SLIT3: variants seen among roughly 807,000 people sequenced by gnomAD.
The protein encoded by SLIT3 is slit homolog 3 protein.
Under a neutral mutation model 184.0 loss-of-function variants are expected in SLIT3, and 68 were observed. The observed-to-expected ratio is 0.37, with a 90% CI of 0.30 to 0.45. The LOEUF is 0.45. Ranked by LOEUF, SLIT3 falls within the 20% of genes least tolerant of loss-of-function variation. The pLI is 1.00. For synonymous variants in SLIT3, 831 were observed against 828.6 expected (o/e 1.00, Z -0.05); for missense variants, 1,707 against 2,026.0 (o/e 0.84, Z 3.02).
At chr5:168,998,757 G>A (rs534130068) in intron 4 of SLIT3, among the ~76,000 whole-genome samples, 1 of 144,150 alleles carries the variant, frequency 6.9e-6, no homozygotes, top group South Asian at 2.2e-4. Context: ...ATTGAACAGG[G>A]TGAAAAGATG....
At chr5:168,674,807 A>C (rs137898549) in intron 32 of SLIT3, among the ~76,000 whole-genome samples, 118 of 152,184 alleles carry the variant, frequency 7.8e-4, no homozygotes, top group Admixed American at 2.6e-3. Context: ...TGGGATATTC[A>C]GTGTGCACAT....
intron 14 of SLIT3, among the ~76,000 whole-genome samples, chr5:168,767,714 GT>G (rs1210575297): frequency 6.6e-6 from 1 of 152,198 alleles, no homozygotes; most frequent in Non-Finnish European, 1.5e-5. Flanking sequence ...AAAGGTGGTG[GT>G]GGGAGGGGTC....
intron 4 of SLIT3, among the ~76,000 whole-genome samples, chr5:169,074,074 G>A (rs1463489219): frequency 1.3e-5 from 2 of 152,180 alleles, no homozygotes; most frequent in East Asian, 1.9e-4. Context: ...AGAGACAGCA[G>A]CTGGTTGAAC....
chr5:169,207,370 T>TACATACATAC lies in SLIT3; in HGVS notation c.342-13821_342-13820insGTATGTATGT, dbSNP rs1262446357. 3.9e-3 allele frequency among the ~76,000 whole-genome samples: 520 copies of TACATACATAC among 131,912 alleles called. 5 individuals carry two copies. The highest frequency in any genetic ancestry group is 0.015 in the Admixed American group (204 of 13,210). 86.5% of individuals were successfully genotyped at this position (131,912 alleles called of 152,430 possible). ...TTTCTCTGTTTTACATACACATACA[T>TACATACATAC]ACACACACACACACACACACACACA... On this transcript the variant is annotated intron_variant, in intron 3 of 35. Transcript: ENST00000519560.
rs1764469859 is a variant in SLIT3 at position 169,217,264 on chromosome 5, A to G, written c.342-23714T>C. 1.3e-5 allele frequency among the ~76,000 whole-genome samples: 2 copies of G among 152,116 alleles called. 1 individual carries two copies. Among genetic ancestry groups the G allele is most frequent in the South Asian group, 4.1e-4 (2 of 4,826 alleles). ...GACAGCAAGCAGGGTGTAAACAAGG[A>G]ATTCTTTCTTTCTTCTTATTAAAAG... On this transcript the variant is annotated intron_variant, in intron 3 of 35. Transcript: ENST00000519560.
intron 4 of SLIT3, among the ~76,000 whole-genome samples, chr5:169,031,227 A>C (rs932001851): frequency 6.6e-5 from 10 of 152,152 alleles, no homozygotes; most frequent in African/African-American, 2.2e-4. Flanking sequence ...TTGTCCTCAG[A>C]GTAGGAAAGT....
intron 4 of SLIT3, among the ~76,000 whole-genome samples, chr5:169,013,628 G>A (rs72826547): frequency 0.014 from 2,109 of 152,182 alleles, 19 homozygotes; most frequent in East Asian, 0.027. Context: ...TGCCTCTTAC[G>A]CCCGTTCTGA....
intron 4 of SLIT3, among the ~76,000 whole-genome samples, chr5:169,180,011 C>G (rs1763106795): frequency 6.6e-6 from 1 of 152,010 alleles, no homozygotes; most frequent in African/African-American, 2.4e-5. Flanking sequence ...AATAAATGAG[C>G]AAAAAGAATT....
intron 5 of SLIT3, among the ~76,000 whole-genome samples, chr5:168,848,827 TC>T (rs1294824644): frequency 2.0e-5 from 3 of 152,196 alleles, no homozygotes; most frequent in Non-Finnish European, 4.4e-5. Context: ...TTGAAAGAAT[TC>T]CCATTAGTAA....
intron 1 of SLIT3, among the ~76,000 whole-genome samples, chr5:169,288,475 T>C (rs1767233155): frequency 6.6e-6 from 1 of 152,206 alleles, no homozygotes. Flanking sequence ...GGTTTGGTGC[T>C]ACATCCTTCA....
At chr5:169,279,788 A>C (rs530795635) in intron 1 of SLIT3, among the ~76,000 whole-genome samples, 2 of 152,350 alleles carry the variant, frequency 1.3e-5, no homozygotes, top group African/African-American at 4.8e-5. Flanking sequence ...ATGAGCTTCC[A>C]GACATGAAGT....
At chr5:168,743,129 G>T (rs996491223) in intron 20 of SLIT3, among the ~76,000 whole-genome samples, 1 of 152,202 alleles carries the variant, frequency 6.6e-6, no homozygotes, top group East Asian at 1.9e-4. Context: ...ATTATTAGAA[G>T]GGCAGATCAA....
chr5:169,031,494 C>T (rs115613797), intron 4 of SLIT3, among the ~76,000 whole-genome samples: 240 of 152,294 alleles, frequency 1.6e-3, no homozygotes, highest in Middle Eastern at 3.4e-3. Context: ...AGTGGGGTCT[C>T]ACCCAAACAG....
At chr5:168,819,441 C>A (rs1373463745) in intron 7 of SLIT3, among the ~76,000 whole-genome samples, 1 of 152,196 alleles carries the variant, frequency 6.6e-6, no homozygotes, top group Admixed American at 6.6e-5. Context: ...GGCTGAGGTG[C>A]CGTTCTTTTG....
chr5:168,748,289 T>C lies in SLIT3; in HGVS notation c.2270+13A>G. The C allele has an allele frequency of 6.9e-7, 1 of 1,458,610 alleles. No homozygotes were observed. The highest frequency in any genetic ancestry group is 9.0e-7 in the Non-Finnish European group (1 of 1,106,934). The allele number at this position is 1,458,610 out of a possible 1,614,324, so 90.4% of individuals were successfully genotyped here. On this transcript the variant is annotated intron_variant, in intron 20 of 35. Transcript: ENST00000519560. ...AGATGACAGGGTGCTTGGAGGCAGC[T>C]GGGGGTACTTACAGCTCGGTCACAT...
chr5:169,040,683 C>A (rs1750114824), intron 4 of SLIT3, among the ~76,000 whole-genome samples: 1 of 152,202 alleles, frequency 6.6e-6, no homozygotes, highest in South Asian at 2.1e-4. Flanking sequence ...AACTGTCTTA[C>A]CGATGTAGTA....
chr5:168,781,253 A>C lies in SLIT3; in HGVS notation c.1151+4654T>G, dbSNP rs1755960785. ...GAAAGCTGAGATTCCTAGAGACCAG[A>C]GAGGGAGAACTATTATTTGGTTACC... On this transcript the variant is annotated intron_variant, in intron 12 of 35. Coordinates refer to ENST00000519560, the MANE Select transcript of SLIT3 (RefSeq NM_003062.4). Among the ~76,000 whole-genome samples the C allele has an allele frequency of 2.0e-5, 3 of 152,212 alleles. No individual in the cohort carries two copies. The South Asian group carries it at 6.2e-4, about 32-fold the overall frequency.
chr5:169,077,568 A>T (rs1286040788), intron 4 of SLIT3, among the ~76,000 whole-genome samples: 2 of 152,290 alleles, frequency 1.3e-5, no homozygotes, highest in Middle Eastern at 3.4e-3. Context: ...AACAAAAAAC[A>T]GTAATACATA....
chr5:169,022,680 G>A (rs962882963), intron 4 of SLIT3: 1 of 152,156 alleles, frequency 6.6e-6, no homozygotes, highest in East Asian at 1.9e-4. Flanking sequence ...TACTAAATGT[G>A]ATGGTTTTTG....
Sources: allele counts gnomAD v4.1 joint callset (sites outside exome capture counted in the v4.1 genomes callset), GRCh38; gene constraint gnomAD v4.1.1; transcripts MANE v1.5; gene names NCBI Gene and HGNC (gene_info 2026-07-23, HGNC 2026-07-21).